The following FSTL5 variants were observed in gnomAD, a reference collection of about 807,000 sequenced individuals.
The protein encoded by FSTL5 is follistatin-related protein 5.
Under a neutral mutation model 89.1 loss-of-function variants are expected in FSTL5, and 62 were observed. The ratio of observed to expected loss-of-function variants is 0.70; its 90% CI spans 0.57 to 0.86. The LOEUF (loss-of-function observed/expected upper bound fraction) is 0.86, where lower values mean the gene tolerates loss of function less well. Ranked by LOEUF, FSTL5 falls within the 40% of genes least tolerant of loss-of-function variation. The pLI is 0.00. For missense variants in FSTL5, 1,057 were observed against 1,001.6 expected (o/e 1.06, Z -0.75); for synonymous variants, 383 against 346.2 (o/e 1.11, Z -1.18).
chr4:161,399,864 G>T (rs1403473950), intron 15 of FSTL5, among the ~76,000 whole-genome samples: 1 of 152,096 alleles, frequency 6.6e-6, no homozygotes, highest in Non-Finnish European at 1.5e-5. Context: ...TTAATTTTAT[G>T]CAGTTATAAT....
chr4:161,494,637 T>C (rs1730002144), intron 12 of FSTL5, among the ~76,000 whole-genome samples: 1 of 152,176 alleles, frequency 6.6e-6, no homozygotes, highest in African/African-American at 2.4e-5. Context: ...TTTATAAAGG[T>C]AAAATAATTT....
At chr4:161,621,827 C>CA (rs58143952) in intron 7 of FSTL5, among the ~76,000 whole-genome samples, 4,842 of 90,220 alleles carry the variant, frequency 0.054, 233 homozygotes, top group African/African-American at 0.15. Flanking sequence ...TCTAAAAATA[C>CA]AAAAAAAAAA....
chr4:161,842,767 T>C (rs1047268298), intron 4 of FSTL5, among the ~76,000 whole-genome samples: 2 of 152,158 alleles, frequency 1.3e-5, no homozygotes, highest in Non-Finnish European at 2.9e-5. Context: ...TTTATTCTAA[T>C]ACTTTTCTCT....
chr4:161,660,943 G>A (rs1240103804), intron 6 of FSTL5, among the ~76,000 whole-genome samples: 1 of 152,052 alleles, frequency 6.6e-6, no homozygotes, highest in East Asian at 1.9e-4. Flanking sequence ...TTTAATTCGT[G>A]TGCATGTGTC....
At chr4:161,600,111 T>C (rs1251314017) in intron 7 of FSTL5, among the ~76,000 whole-genome samples, 2 of 150,206 alleles carry the variant, frequency 1.3e-5, no homozygotes, top group Non-Finnish European at 3.0e-5. Context: ...CATATTTACA[T>C]AGCTACAGAC....
intron 4 of FSTL5, among the ~76,000 whole-genome samples, chr4:161,900,858 CA>C (rs1459278862): frequency 1.3e-5 from 2 of 151,754 alleles, no homozygotes; most frequent in East Asian, 3.9e-4. Flanking sequence ...CGCTTATTAC[CA>C]AGATTATTAC....
chr4:161,692,335 G>A (rs993568455), intron 6 of FSTL5, among the ~76,000 whole-genome samples: 2 of 90,016 alleles, frequency 2.2e-5, no homozygotes, highest in African/African-American at 7.8e-5. Flanking sequence ...ACTGAGATAT[G>A]GAGATCGTGT....
chr4:161,447,833 C>T (rs62326372), intron 15 of FSTL5, among the ~76,000 whole-genome samples: 12,984 of 152,098 alleles, frequency 0.085, 722 homozygotes, highest in Non-Finnish European at 0.12. Context: ...GGTTTGCTAA[C>T]AATGGTTTGC....
rs76895820 is a variant in FSTL5 at position 161,565,945 on chromosome 4, C to T, written c.1015+21510G>A. ...GGGTATATATGTAGGAGTAGGATTG[C>T]TGGGTTGAATGATAGATCTACATTT... On this transcript the variant is annotated intron_variant, in intron 8 of 15. Transcript: ENST00000306100. Among the ~76,000 whole-genome samples the T allele has an allele frequency of 8.0e-3, 1,202 of 150,768 alleles. 20 individuals carry two copies. The highest frequency in any genetic ancestry group is 0.028 in the African/African-American group (1,161 of 41,076).
At chr4:161,538,027 T>A in intron 10 of FSTL5, 139 bp downstream of exon 10, 1 of 760,872 alleles carries the variant, frequency 1.3e-6, no homozygotes, top group African/African-American at 1.7e-5. Flanking sequence ...AAGATTTCTA[T>A]CCTTCCTACG....
intron 4 of FSTL5, among the ~76,000 whole-genome samples, chr4:161,897,937 C>G (rs1406480396): frequency 6.6e-6 from 1 of 151,784 alleles, no homozygotes; most frequent in African/African-American, 2.4e-5. Context: ...TGTCTCAATA[C>G]TTTTGCCTTT....
intron 5 of FSTL5, among the ~76,000 whole-genome samples, chr4:161,775,564 C>T (rs115231759): frequency 6.6e-6 from 1 of 152,088 alleles, no homozygotes; most frequent in Non-Finnish European, 1.5e-5. Context: ...ATTGCATGAT[C>T]TCCAGAATAC....
At chr4:161,792,026 G>T (rs1016760260) in intron 4 of FSTL5, among the ~76,000 whole-genome samples, 1 of 152,144 alleles carries the variant, frequency 6.6e-6, no homozygotes, top group Non-Finnish European at 1.5e-5. Context: ...TCACCCAGCT[G>T]CAGCTGTGGA....
At chr4:161,946,822 C>G (rs1578883062) in intron 3 of FSTL5, among the ~76,000 whole-genome samples, 1 of 152,108 alleles carries the variant, frequency 6.6e-6, no homozygotes, top group South Asian at 2.1e-4. Context: ...CAAACTGAAA[C>G]TTTTATTTAA....
chr4:161,427,063 A>G (rs770189401), intron 15 of FSTL5, among the ~76,000 whole-genome samples: 2 of 152,220 alleles, frequency 1.3e-5, no homozygotes, highest in African/African-American at 2.4e-5. Context: ...GAATTTAGCT[A>G]GAGTTAGAGA....
At chr4:161,968,692 T>C (rs1735393433) in intron 3 of FSTL5, among the ~76,000 whole-genome samples, 1 of 152,030 alleles carries the variant, frequency 6.6e-6, no homozygotes, top group Admixed American at 6.6e-5. Flanking sequence ...AAGCAATAAT[T>C]CCATGTATGT....
chr4:161,502,787 A>C (rs1471003625), intron 11 of FSTL5, among the ~76,000 whole-genome samples: 1 of 151,810 alleles, frequency 6.6e-6, no homozygotes, highest in Non-Finnish European at 1.5e-5. Context: ...TGCTGCTTTG[A>C]TATTGTGCAC....
At chr4:161,389,239 T>A (rs1407790525) in intron 15 of FSTL5, among the ~76,000 whole-genome samples, 2 of 152,072 alleles carry the variant, frequency 1.3e-5, no homozygotes, top group Non-Finnish European at 2.9e-5. Context: ...AGGCCTAACA[T>A]AGTTTGTCTA....
chr4:161,957,394 T>C (rs561865311), intron 3 of FSTL5, among the ~76,000 whole-genome samples: 28 of 152,214 alleles, frequency 1.8e-4, no homozygotes, highest in African/African-American at 6.5e-4. Context: ...AGTCACAAAA[T>C]AAGTAGGTAA....
Sources: allele counts gnomAD v4.1 joint callset (sites outside exome capture counted in the v4.1 genomes callset), GRCh38; gene constraint gnomAD v4.1.1; transcripts MANE v1.5; gene names NCBI Gene and HGNC (gene_info 2026-07-23, HGNC 2026-07-21).